GALNT17: variants seen among roughly 807,000 people sequenced by gnomAD.
GALNT17 encodes the protein polypeptide N-acetylgalactosaminyltransferase 17.
In GALNT17, 29 loss-of-function variants were observed where a neutral mutation model predicts 63.7. The ratio of observed to expected loss-of-function variants is 0.46; its 90% CI spans 0.34 to 0.62. GALNT17 has a LOEUF of 0.62. Among genes scored for constraint, GALNT17 ranks in the 20% least tolerant of loss-of-function variants. The pLI is 0.01. For synonymous variants in GALNT17, 305 were observed against 318.3 expected (o/e 0.96, Z 0.45); for missense variants, 603 against 799.6 (o/e 0.75, Z 2.97).
intron 5 of GALNT17, among the ~76,000 whole-genome samples, chr7:71,533,173 T>C (rs66774416): frequency 0.11 from 16,185 of 152,188 alleles, 2,507 homozygotes; most frequent in African/African-American, 0.34. Flanking sequence ...GTTAGTAATA[T>C]GGTGACTAGC....
intron 5 of GALNT17, among the ~76,000 whole-genome samples, chr7:71,449,840 G>A (rs567816689): frequency 1.2e-3 from 179 of 151,920 alleles, no homozygotes; most frequent in African/African-American, 4.1e-3. Flanking sequence ...TTGGAAGTTC[G>A]AGACCAGCCT....
intron 1 of GALNT17, among the ~76,000 whole-genome samples, chr7:71,242,237 C>G (rs1044890673): frequency 6.8e-6 from 1 of 147,874 alleles, no homozygotes; most frequent in African/African-American, 2.5e-5. Context: ...CATTAGGGAT[C>G]ACATTTCTTT....
intron 5 of GALNT17, among the ~76,000 whole-genome samples, chr7:71,423,983 A>G (rs906423197): frequency 2.2e-4 from 33 of 152,202 alleles, no homozygotes; most frequent in Admixed American, 1.8e-3. Context: ...TGACACCAAA[A>G]GCTGAAAAAT....
At chr7:71,143,079 C>T (rs568304172) in intron 1 of GALNT17, among the ~76,000 whole-genome samples, 21 of 151,842 alleles carry the variant, frequency 1.4e-4, no homozygotes, top group Non-Finnish European at 2.9e-4. Context: ...ACGATAGGTG[C>T]GAGGTAGTGA....
Position 71,244,059 on chromosome 7 carries a change from GT to G in GALNT17, c.239-91488del, listed in dbSNP as rs1173634848. On this transcript the variant is annotated intron_variant, in intron 1 of 10. Transcript: ENST00000333538. ...TAGAGGTGGCGTTTTCTGTGCCTGT[GT>G]TTAGGAAGGGAGTGACTAGAGCAGT... 2.0e-5 allele frequency among the ~76,000 whole-genome samples: 3 copies of G among 152,170 alleles called. No individual in the cohort carries two copies. In the South Asian group the frequency reaches 6.2e-4, roughly 32 times the overall value.
At chr7:71,449,817 A>C (rs527871340) in intron 5 of GALNT17, among the ~76,000 whole-genome samples, 218 of 152,032 alleles carry the variant, frequency 1.4e-3, no homozygotes, top group African/African-American at 4.9e-3. Context: ...TGAGGCAGGC[A>C]GATCACCTGA....
intron 6 of GALNT17, among the ~76,000 whole-genome samples, chr7:71,633,007 G>A (rs531662314): frequency 1.5e-3 from 222 of 150,792 alleles, no homozygotes; most frequent in South Asian, 4.0e-3. Flanking sequence ...GGGAAGCTGA[G>A]GCATGAGAAT....
intron 5 of GALNT17, among the ~76,000 whole-genome samples, chr7:71,560,697 A>G (rs925995258): frequency 2.0e-5 from 3 of 152,140 alleles, no homozygotes; most frequent in Admixed American, 1.3e-4. Flanking sequence ...TCATCTATAA[A>G]TCGCTGGGGG....
chr7:71,542,479 G>A (rs1012705220), intron 5 of GALNT17, among the ~76,000 whole-genome samples: 2 of 151,944 alleles, frequency 1.3e-5, no homozygotes, highest in African/African-American at 4.8e-5. Flanking sequence ...GGCAGATCAC[G>A]AGGTCAGGAG....
At chr7:71,390,062 C>A (rs774778039) in intron 3 of GALNT17, among the ~76,000 whole-genome samples, 1 of 152,164 alleles carries the variant, frequency 6.6e-6, no homozygotes, top group Admixed American at 6.5e-5. Context: ...GAGCCACCCC[C>A]ACAAGCTCAT....
At chr7:71,134,642 A>G (rs534862859) in intron 1 of GALNT17, among the ~76,000 whole-genome samples, 1 of 152,230 alleles carries the variant, frequency 6.6e-6, no homozygotes, top group South Asian at 2.1e-4. Context: ...GGTGTCAGAA[A>G]TATGGCACAG....
intron 6 of GALNT17, among the ~76,000 whole-genome samples, chr7:71,593,554 A>G (rs1789842899): frequency 6.6e-6 from 1 of 152,092 alleles, no homozygotes; most frequent in Admixed American, 6.6e-5. Flanking sequence ...GTGAGCCACC[A>G]CGCCTGGCCC....
At chr7:71,682,974 G>A (rs1353599092) in intron 9 of GALNT17, among the ~76,000 whole-genome samples, 2 of 152,086 alleles carry the variant, frequency 1.3e-5, no homozygotes, top group Non-Finnish European at 2.9e-5. Context: ...TGGGAGCTTA[G>A]TGGCACTCCC....
chr7:71,576,008 A>G (rs941281266), intron 6 of GALNT17, among the ~76,000 whole-genome samples: 1 of 152,188 alleles, frequency 6.6e-6, no homozygotes, highest in Admixed American at 6.5e-5. Context: ...AACAAAGGGT[A>G]TTATAGTAGC....
intron 9 of GALNT17, among the ~76,000 whole-genome samples, chr7:71,687,196 T>C (rs928573780): frequency 6.6e-6 from 1 of 152,224 alleles, no homozygotes; most frequent in Non-Finnish European, 1.5e-5. Context: ...GTTTCTTCTC[T>C]CAGTTAATTC....
At chr7:71,393,302 T>C (rs1793082719) in intron 3 of GALNT17, among the ~76,000 whole-genome samples, 1 of 152,216 alleles carries the variant, frequency 6.6e-6, no homozygotes, top group Non-Finnish European at 1.5e-5. Flanking sequence ...TTAAAACTTT[T>C]TTTTCCCAGC....
At chr7:71,237,354 G>A (rs1246116992) in intron 1 of GALNT17, among the ~76,000 whole-genome samples, 1 of 151,830 alleles carries the variant, frequency 6.6e-6, no homozygotes, top group African/African-American at 2.4e-5. Context: ...GTAGTCATTT[G>A]CCTGGGACGG....
intron 5 of GALNT17, among the ~76,000 whole-genome samples, chr7:71,512,848 C>T (rs529045698): frequency 3.7e-4 from 57 of 152,290 alleles, no homozygotes; most frequent in African/African-American, 1.4e-3. Flanking sequence ...AGGCCTGAGG[C>T]CCAGGTCGGC....
In GALNT17 at chr7:71,204,570, C is replaced by CTT. The variant is rs200937071; in HGVS notation, c.238+71542_238+71543dup. Among the ~76,000 whole-genome samples the CTT allele has an allele frequency of 3.6e-3, 505 of 140,786 alleles. 1 individual carries two copies. Among genetic ancestry groups the CTT allele is most frequent in the African/African-American group, 0.012 (448 of 38,438 alleles). The allele number at this position is 140,786 out of a possible 152,430, so 92.4% of individuals were successfully genotyped here. A position where few individuals can be genotyped will look rare whatever the true frequency, so the allele number is the denominator to read the frequency against. On this transcript the variant is annotated intron_variant, in intron 1 of 10. Coordinates refer to ENST00000333538, the MANE Select transcript of GALNT17 (RefSeq NM_022479.3). ...CTCTTCTCTTCTCTTTTTTCTTTTT[C>CTT]TTTTTTTTTTTTTGAGACAGAGTCT...
Sources: gnomAD v4.1 joint callset for allele counts (sites outside exome capture counted in the v4.1 genomes callset) on GRCh38, gnomAD v4.1.1 for gene constraint, MANE v1.5 for transcripts, NCBI Gene and HGNC (gene_info 2026-07-23, HGNC 2026-07-21) for gene names.